OTOGL: variants seen among roughly 807,000 people sequenced by gnomAD.
The protein encoded by OTOGL is otogelin-like protein.
A neutral mutation model predicts 318.5 loss-of-function variants in OTOGL; 285 were observed. That is an observed-to-expected ratio of 0.89 (90% CI 0.81 to 0.99). The LOEUF is 0.99. OTOGL is among the 50% of genes least tolerant of loss of function. OTOGL has a pLI of 0.00. For missense variants in OTOGL, 2,899 were observed against 2,845.6 expected, an observed-to-expected ratio of 1.02 and a Z score of -0.43; for synonymous variants, 987 against 936.5, an observed-to-expected ratio of 1.05 and a Z score of -0.99.
chr12:80,207,826 A>G (rs1876925540), intron 1 of OTOGL, among the ~76,000 whole-genome samples: 2 of 152,316 alleles, frequency 1.3e-5, no homozygotes, highest in South Asian at 4.1e-4. Flanking sequence ...GTAGTCACAT[A>G]TTCTTAAGAA....
intron 8 of OTOGL, among the ~76,000 whole-genome samples, chr12:80,232,403 T>C (rs1307026140): frequency 2.0e-5 from 3 of 152,226 alleles, no homozygotes; most frequent in African/African-American, 7.2e-5. Flanking sequence ...TATAGCCACG[T>C]TTAAAATAAA....
At chr12:80,189,689 C>G (rs17006479) in intron 1 of OTOGL, among the ~76,000 whole-genome samples, 6,519 of 152,246 alleles carry the variant, frequency 0.043, 354 homozygotes, top group East Asian at 0.19. Context: ...AGATGGGGCT[C>G]TCCAAGATAA....
chr12:80,115,103 C>T (rs766796367), intron 1 of OTOGL, among the ~76,000 whole-genome samples: 9 of 152,112 alleles, frequency 5.9e-5, no homozygotes, highest in Non-Finnish European at 1.2e-4. Flanking sequence ...TCTGTCAATT[C>T]GTCAAACTCA....
At chr12:80,190,605 G>A (rs1271592249) in intron 1 of OTOGL, among the ~76,000 whole-genome samples, 2 of 151,874 alleles carry the variant, frequency 1.3e-5, no homozygotes, top group Non-Finnish European at 2.9e-5. Flanking sequence ...GGCTAACACG[G>A]TGAAACCCCG....
intron 26 of OTOGL, 120 bp from the exon 27 acceptor site, chr12:80,296,705 GGT>G: frequency 3.1e-6 from 2 of 640,104 alleles, no homozygotes; most frequent in Non-Finnish European, 4.3e-6. Context: ...TTATTTTAGA[GGT>G]AAGTTGTTTT....
chr12:80,195,668 T>G (rs1454879550), intron 1 of OTOGL, among the ~76,000 whole-genome samples: 1 of 152,226 alleles, frequency 6.6e-6, no homozygotes. Flanking sequence ...AGTTAGATTT[T>G]GATATAGACA....
chr12:80,359,335 T>A (rs1654047426), intron 52 of OTOGL, among the ~76,000 whole-genome samples: 2 of 152,170 alleles, frequency 1.3e-5, no homozygotes, highest in Non-Finnish European at 2.9e-5. Context: ...TATAGAAATT[T>A]CAAATATTTA....
chr12:80,231,933 A>G (rs1879403370), intron 8 of OTOGL, among the ~76,000 whole-genome samples: 1 of 151,978 alleles, frequency 6.6e-6, no homozygotes, highest in South Asian at 2.1e-4. Context: ...CACCGAGCCC[A>G]GCTGACATGA....
chr12:80,356,486 C>G lies in OTOGL; in HGVS notation c.5877C>G (p.His1959Gln), dbSNP rs1270164299. 6.2e-7 allele frequency: 1 copy of G among 1,611,828 alleles called. No individual in the cohort carries two copies. Among genetic ancestry groups the G allele is most frequent in the East Asian group, 2.2e-5 (1 of 44,768 alleles). Reference sequence around the variant, plus strand: ...ATAGTCAAAAATTGATTGTTGGCCACAGTCCTCTTTCTTGCTGTCCACAGT... The same window carrying G: ...ATAGTCAAAAATTGATTGTTGGCCAGAGTCCTCTTTCTTGCTGTCCACAGT... ...CTNSQKLIVG[H>Q]SPLSCCPQYK... The change falls in exon 48 of 59, where the codon CAC becomes CAG. Residue 1959 changes from histidine (H) to glutamine (Q), a missense_variant. Transcript: ENST00000547103.
At chr12:80,360,413 C>CAA (rs1890167524) in intron 52 of OTOGL, among the ~76,000 whole-genome samples, 1 of 97,926 alleles carries the variant, frequency 1.0e-5, no homozygotes, top group Non-Finnish European at 2.0e-5. Flanking sequence ...TCTCTCCCCG[C>CAA]TCCCCTTTTC....
At chr12:80,157,052 C>T (rs1166518153) in intron 1 of OTOGL, among the ~76,000 whole-genome samples, 2 of 152,142 alleles carry the variant, frequency 1.3e-5, no homozygotes, top group Non-Finnish European at 2.9e-5. Context: ...TTTACATTCT[C>T]ACCAACAGTG....
At chr12:80,205,710 A>G (rs2137295425) in intron 1 of OTOGL, among the ~76,000 whole-genome samples, 1 of 152,350 alleles carries the variant, frequency 6.6e-6, no homozygotes, top group African/African-American at 2.4e-5. Context: ...TTAGTAACAC[A>G]AGTAAAGAGT....
In OTOGL at chr12:80,345,227, T is replaced by TTA. The variant is rs1555301373; in HGVS notation, c.5265+3077_5265+3078dup. ...ATATTATGTATAAAATATATATATATTATATATATATATTTTTTTGAAGAG... is the reference window on the plus strand; with the variant it reads ...ATATTATGTATAAAATATATATATATTATATATATATATATTTTTTTGAAGAG... On this transcript the variant is annotated intron_variant, in intron 44 of 58. Coordinates refer to ENST00000547103, the MANE Select transcript of OTOGL (RefSeq NM_001378609.3). 2.6e-3 allele frequency among the ~76,000 whole-genome samples: 361 copies of TTA among 137,876 alleles called. 1 individual carries two copies. The highest frequency in any genetic ancestry group is 4.3e-3 in the Non-Finnish European group (278 of 64,586). 90.5% of individuals were successfully genotyped at this position (137,876 alleles called of 152,430 possible).
chr12:80,298,231 G>A (rs893989054), intron 27 of OTOGL, among the ~76,000 whole-genome samples: 3 of 152,178 alleles, frequency 2.0e-5, no homozygotes, highest in African/African-American at 7.2e-5. Context: ...GTGTCCTATG[G>A]TAGGAATTTA....
chr12:80,147,359 G>A (rs1394050842), intron 1 of OTOGL, among the ~76,000 whole-genome samples: 1 of 146,828 alleles, frequency 6.8e-6, no homozygotes, highest in African/African-American at 2.6e-5. Context: ...ATGTAGTTGA[G>A]CGGTTTTGAG....
chr12:80,256,052 G>T (rs1182049438), intron 16 of OTOGL, among the ~76,000 whole-genome samples: 1 of 151,834 alleles, frequency 6.6e-6, no homozygotes, highest in Non-Finnish European at 1.5e-5. Flanking sequence ...AATGTTCTAA[G>T]TAAAATGTAT....
intron 57 of OTOGL, among the ~76,000 whole-genome samples, chr12:80,374,607 A>C (rs1345833299): frequency 6.6e-6 from 1 of 152,158 alleles, no homozygotes; most frequent in Non-Finnish European, 1.5e-5. Context: ...CAAGGAATGA[A>C]ATTTAGCTTT....
chr12:80,328,951 C>T (rs1431571152), intron 36 of OTOGL, 100 bp from the exon 37 acceptor site: 6 of 1,211,410 alleles, frequency 5.0e-6, no homozygotes, highest in Non-Finnish European at 6.9e-6. Flanking sequence ...ATTCTTTTTC[C>T]CAAAACATTT....
At chr12:80,310,753 C>G in intron 30 of OTOGL, 26 bp downstream of exon 30, 1 of 1,497,920 alleles carries the variant, frequency 6.7e-7, no homozygotes, top group East Asian at 2.3e-5. Context: ...AATGAACTCT[C>G]GAGTTTCAAT....
Sources: allele counts gnomAD v4.1 joint callset (sites outside exome capture counted in the v4.1 genomes callset), GRCh38; gene constraint gnomAD v4.1.1; transcripts MANE v1.5; gene names NCBI Gene and HGNC (gene_info 2026-07-23, HGNC 2026-07-21).